The following IL5RA variants were observed in gnomAD, a reference collection of about 807,000 sequenced individuals.
The protein encoded by IL5RA is interleukin 5 receptor subunit alpha, also known as interleukin-5 receptor subunit alpha.
IL5RA carries 49 observed loss-of-function variants against 50.0 expected under a neutral mutation model. That is an observed-to-expected ratio of 0.98 (90% CI 0.78 to 1.24). The LOEUF is 1.24. IL5RA is among the 50% of genes most tolerant of loss of function. The probability of loss-of-function intolerance (pLI) is 0.00; values close to 1 mark genes in which losing one functional copy is unlikely to be tolerated. For missense variants in IL5RA, 600 were observed against 500.4 expected, an observed-to-expected ratio of 1.20 and a Z score of -1.90; for synonymous variants, 202 against 174.0, an observed-to-expected ratio of 1.16 and a Z score of -1.26.
intron 9 of IL5RA, among the ~76,000 whole-genome samples, chr3:3,090,626 G>C (rs1703051430): frequency 6.8e-6 from 1 of 147,182 alleles, no homozygotes; most frequent in South Asian, 2.1e-4. Flanking sequence ...GAGTGCAGTG[G>C]TGCGATCTCG....
intron 11 of IL5RA, among the ~76,000 whole-genome samples, chr3:3,073,399 G>A (rs1702368264): frequency 6.6e-6 from 1 of 152,172 alleles, no homozygotes. Flanking sequence ...CTTGTTGCCT[G>A]TTTTGGAAAA....
rs531620831 is a variant in IL5RA, at chr3:3,097,452, G to C, written c.709+418C>G. ...GGCAGAAATTTCACAAAACCTGTCAGAACTCATGAAGGATTAAATGGTCTC... is the reference window on the plus strand; with the variant it reads ...GGCAGAAATTTCACAAAACCTGTCACAACTCATGAAGGATTAAATGGTCTC... On this transcript the variant is annotated intron_variant, in intron 7 of 11. Coordinates refer to ENST00000446632, the MANE Select transcript of IL5RA (RefSeq NM_175726.4). 2.0e-5 allele frequency among the ~76,000 whole-genome samples: 3 copies of C among 152,340 alleles called. No homozygotes were observed. In the East Asian group the frequency reaches 5.8e-4, roughly 29 times the overall value.
chr3:3,102,594 C>A, intron 4 of IL5RA, 81 bp downstream of exon 4: 2 of 1,019,048 alleles, frequency 2.0e-6, no homozygotes, highest in Middle Eastern at 3.3e-4. Context: ...TTTTTTAATC[C>A]AAAATTTTAT....
In IL5RA at chr3:3,067,520, T is replaced by C; in HGVS notation, c.*2705A>G. ...GGGGAGGCCTCCCAGCTGTTAATGG[T>C]ATATTCTACAATGCAGTAGCTCTAA... On this transcript the variant is annotated 3_prime_UTR_variant, in exon 12 of 12. Coordinates refer to ENST00000446632, the MANE Select transcript of IL5RA (RefSeq NM_175726.4). 1 of 152,346 alleles carries C rather than the reference T, an allele frequency of 6.6e-6. No homozygotes were observed. Among genetic ancestry groups the C allele is most frequent in the African/African-American group, 2.4e-5 (1 of 41,564 alleles). The allele number at this position is 152,346 out of a possible 1,614,324, so 9.4% of individuals were successfully genotyped here.
At chr3:3,071,036 C>T (rs111730698) in intron 11 of IL5RA, among the ~76,000 whole-genome samples, 7 of 152,064 alleles carry the variant, frequency 4.6e-5, no homozygotes, top group African/African-American at 1.7e-4. Flanking sequence ...CAGTTCTGAC[C>T]CATTTTGGCT....
chr3:3,075,571 G>A (rs1436040201), intron 10 of IL5RA, among the ~76,000 whole-genome samples: 2 of 149,212 alleles, frequency 1.3e-5, no homozygotes, highest in Non-Finnish European at 3.0e-5. Context: ...CGAATATAAC[G>A]TTTATAATAG....
intron 8 of IL5RA, among the ~76,000 whole-genome samples, chr3:3,093,552 C>A (rs957734063): frequency 1.3e-5 from 2 of 152,218 alleles, no homozygotes; most frequent in Admixed American, 6.5e-5. Flanking sequence ...AACACACGCA[C>A]ACACACGTGC....
At chr3:3,095,233 A>T (rs1386896227) in intron 8 of IL5RA, 66 bp downstream of exon 8, 2 of 1,305,678 alleles carry the variant, frequency 1.5e-6, no homozygotes, top group East Asian at 4.7e-5. Context: ...GTCACTGAAG[A>T]TAATTTTTTA....
At chr3:3,085,642 C>G (rs919519803) in intron 9 of IL5RA, among the ~76,000 whole-genome samples, 2 of 152,122 alleles carry the variant, frequency 1.3e-5, no homozygotes, top group African/African-American at 4.8e-5. Context: ...GGTACCAAGT[C>G]ACCTCACACA....
Position 3,076,639 on chromosome 3 carries a change from CA to C in IL5RA, c.995-13del. 4 of 1,558,166 alleles carry C rather than the reference CA, an allele frequency of 2.6e-6. No homozygotes were observed. The highest frequency in any genetic ancestry group is 2.2e-5 in the East Asian group (1 of 44,512). On this transcript the variant is annotated splice_polypyrimidine_tract_variant and intron_variant, in intron 9 of 11. Coordinates refer to ENST00000446632, the MANE Select transcript of IL5RA (RefSeq NM_175726.4). ...GTGTTCATCATTTCCTGGTGGAAAA[CA>C]AAAAAGAAACAAAAAAATATAAAGT... is the stretch of plus-strand genomic sequence containing the variant.
At chr3:3,082,576 G>A (rs1702705789) in intron 9 of IL5RA, among the ~76,000 whole-genome samples, 1 of 152,156 alleles carries the variant, frequency 6.6e-6, no homozygotes, top group East Asian at 1.9e-4. Context: ...GACATCTTAA[G>A]CATTTGACCT....
At chr3:3,107,496 T>A (rs777869917) in intron 2 of IL5RA, among the ~76,000 whole-genome samples, 8 of 152,160 alleles carry the variant, frequency 5.3e-5, no homozygotes, top group African/African-American at 1.2e-4. Flanking sequence ...ATAGAGCGAC[T>A]TCATTAGCTT....
intron 11 of IL5RA, chr3:3,073,850 T>A: frequency 1.1e-5 from 5 of 436,384 alleles, no homozygotes; most frequent in South Asian, 3.3e-5. Flanking sequence ...AACAAATTTT[T>A]AAAAAATCAC....
intron 9 of IL5RA, among the ~76,000 whole-genome samples, chr3:3,079,378 C>G (rs768263150): frequency 9.2e-5 from 14 of 152,194 alleles, no homozygotes; most frequent in Non-Finnish European, 1.8e-4. Flanking sequence ...AGTCTCCATT[C>G]TTCCAAGCCC....
intron 7 of IL5RA, among the ~76,000 whole-genome samples, chr3:3,096,907 C>T (rs1427153918): frequency 2.6e-5 from 4 of 152,182 alleles, no homozygotes; most frequent in Admixed American, 6.5e-5. Context: ...ATTAGTAACA[C>T]AATTCTCACG....
chr3:3,099,909 A>T (rs1272673671), intron 5 of IL5RA, among the ~76,000 whole-genome samples: 1 of 152,094 alleles, frequency 6.6e-6, no homozygotes, highest in Non-Finnish European at 1.5e-5. Context: ...ACCTCAAGTG[A>T]TCTACCCGCC....
chr3:3,073,680 A>G (rs183912049), intron 11 of IL5RA: 32 of 361,634 alleles, frequency 8.8e-5, no homozygotes, highest in African/African-American at 6.5e-4. Context: ...AAATGGAGTG[A>G]TATGCTATGT....
intron 1 of IL5RA, among the ~76,000 whole-genome samples, chr3:3,109,331 C>G (rs1704074781): frequency 6.6e-6 from 1 of 152,144 alleles, no homozygotes; most frequent in South Asian, 2.1e-4. Context: ...AGCAGAACGC[C>G]TCCTTCAGTT....
In IL5RA at chr3:3,092,199, T is replaced by C; in HGVS notation, c.994+25A>G. 2 of 1,605,352 alleles carry C rather than the reference T, an allele frequency of 1.2e-6. No individual in the cohort carries two copies. Among genetic ancestry groups the C allele is most frequent in the Non-Finnish European group, 1.7e-6 (2 of 1,176,834 alleles). The stretch of plus-strand genomic sequence containing the variant: ...TTTTGATCACAAGGAAGGCTGCCAA[T>C]GTAAAATAAACATAAGCTACTTACC... On this transcript the variant is annotated intron_variant, in intron 9 of 11. Coordinates refer to ENST00000446632, the MANE Select transcript of IL5RA (RefSeq NM_175726.4). The surrounding 1 kb of genome is among the most constrained non-coding windows in gnomAD (Gnocchi z 4.2).
Sources: allele counts gnomAD v4.1 joint callset (sites outside exome capture counted in the v4.1 genomes callset), GRCh38; gene constraint gnomAD v4.1.1; non-coding constraint Gnocchi (gnomAD v3.1); transcripts MANE v1.5; gene names NCBI Gene and HGNC (gene_info 2026-07-23, HGNC 2026-07-21).